SV2C: variants seen among roughly 807,000 people sequenced by gnomAD.
SV2C encodes the protein synaptic vesicle glycoprotein 2C, also known as solute carrier family 22 member B3.
SV2C carries 49 observed loss-of-function variants against 79.7 expected under a neutral mutation model. The observed-to-expected ratio is 0.61, with a 90% confidence interval of 0.49 to 0.78. The LOEUF (loss-of-function observed/expected upper bound fraction) is 0.78. Among genes scored for constraint, SV2C ranks in the 30% least tolerant of loss-of-function variants. SV2C has a pLI of 0.00. For missense variants in SV2C, 833 were observed against 912.9 expected (o/e 0.91, Z 1.13); for synonymous variants, 334 against 333.2 (o/e 1.00, Z -0.03).
the SV2C span, among the ~76,000 whole-genome samples, chr5:76,032,639 T>G: frequency 6.6e-6 from 1 of 152,194 alleles, no homozygotes; most frequent in African/African-American, 2.4e-5. Flanking sequence ...TCTTAATCCA[T>G]TCTATCATTG....
At chr5:76,137,006 A>G (rs932770616) in intron 2 of SV2C, among the ~76,000 whole-genome samples, 3 of 152,200 alleles carry the variant, frequency 2.0e-5, no homozygotes, top group Non-Finnish European at 4.4e-5. Flanking sequence ...AGAGAGAATG[A>G]GATGGGAGAG....
At chr5:76,259,905 A>G (rs1446656157) in intron 4 of SV2C, among the ~76,000 whole-genome samples, 1 of 152,218 alleles carries the variant, frequency 6.6e-6, no homozygotes. Flanking sequence ...TGCAATAAAC[A>G]TATGTGTGCA....
chr5:76,218,924 G>C (rs866717146), intron 4 of SV2C, among the ~76,000 whole-genome samples: 3 of 12,510 alleles, frequency 2.4e-4, no homozygotes, highest in African/African-American at 3.5e-4. Flanking sequence ...ATATTTAAAA[G>C]ATTGTATTTA....
At chr5:76,152,998 A>G (rs976671301) in intron 2 of SV2C, among the ~76,000 whole-genome samples, 8 of 152,200 alleles carry the variant, frequency 5.3e-5, no homozygotes. Context: ...TATAGCTGCT[A>G]TATGGGAGTG....
At chr5:75,947,289 C>T in the SV2C span, among the ~76,000 whole-genome samples, 1 of 151,978 alleles carries the variant, frequency 6.6e-6, no homozygotes, top group African/African-American at 2.4e-5. Flanking sequence ...AGAGAAGCCT[C>T]CAAATTATGT....
intron 1 of SV2C, among the ~76,000 whole-genome samples, chr5:76,125,246 A>C (rs73130276): frequency 0.043 from 6,487 of 152,286 alleles, 468 homozygotes; most frequent in African/African-American, 0.15. Flanking sequence ...TTTAAAAATC[A>C]TAAGCAATTA....
chr5:76,075,267 T>C, the SV2C span, among the ~76,000 whole-genome samples: 1 of 152,216 alleles, frequency 6.6e-6, no homozygotes, highest in Non-Finnish European at 1.5e-5. Flanking sequence ...CATTTATATT[T>C]TCGGGAGTAA....
intron 6 of SV2C, among the ~76,000 whole-genome samples, chr5:76,290,049 G>A (rs1379347895): frequency 6.6e-6 from 1 of 151,944 alleles, no homozygotes; most frequent in Non-Finnish European, 1.5e-5. Context: ...CCCAAAAGTA[G>A]TATGTTGGAT....
At chr5:76,099,750 G>C (rs1047765317) in intron 1 of SV2C, among the ~76,000 whole-genome samples, 1 of 152,150 alleles carries the variant, frequency 6.6e-6, no homozygotes. Context: ...TCTATTAACA[G>C]TAAGAAGGAT....
intron 4 of SV2C, among the ~76,000 whole-genome samples, chr5:76,230,533 G>A (rs1224401283): frequency 1.2e-4 from 18 of 152,182 alleles, no homozygotes; most frequent in African/African-American, 3.9e-4. Context: ...GCTGGGCGTG[G>A]TGATCCAAGC....
At chr5:76,342,280 A>C in intron 12 of SV2C, among the ~76,000 whole-genome samples, 1 of 152,204 alleles carries the variant, frequency 6.6e-6, no homozygotes, top group Non-Finnish European at 1.5e-5. Context: ...TCATCTTGTC[A>C]GATCAGAGAA....
the SV2C span, among the ~76,000 whole-genome samples, chr5:75,882,507 A>C: frequency 1.3e-5 from 2 of 152,116 alleles, no homozygotes; most frequent in Non-Finnish European, 2.9e-5. Flanking sequence ...CTATACTACA[A>C]GGCTACAGTA....
At chr5:76,053,349 T>G in the SV2C span, among the ~76,000 whole-genome samples, 1 of 149,518 alleles carries the variant, frequency 6.7e-6, no homozygotes, top group Non-Finnish European at 1.5e-5. Context: ...GGGAAATATA[T>G]TTTTAGTCCA....
At chr5:75,874,255 CA>C in the SV2C span, among the ~76,000 whole-genome samples, 3 of 151,960 alleles carry the variant, frequency 2.0e-5, no homozygotes, top group Non-Finnish European at 4.4e-5. Context: ...TCAACATATG[CA>C]AATCAACAAA....
chr5:76,224,670 A>T (rs1193103357), intron 4 of SV2C, among the ~76,000 whole-genome samples: 1 of 152,162 alleles, frequency 6.6e-6, no homozygotes, highest in African/African-American at 2.4e-5. Flanking sequence ...CTTCCCTCAT[A>T]TCTTAGGGTA....
At chr5:75,979,126 T>TA in the SV2C span, among the ~76,000 whole-genome samples, 7 of 152,006 alleles carry the variant, frequency 4.6e-5, no homozygotes, top group East Asian at 3.9e-4. Context: ...TCAACAAAGA[T>TA]AAAAAAAGAA....
At chr5:76,295,667 G>C (rs1021445748) in intron 8 of SV2C, 111 bp from the exon 9 acceptor site, 35 of 1,029,454 alleles carry the variant, frequency 3.4e-5, no homozygotes, top group Non-Finnish European at 4.8e-5. Flanking sequence ...TAATGTTATA[G>C]GGAGCCAGCC....
chr5:75,978,176 C>A, the SV2C span, among the ~76,000 whole-genome samples: 1 of 152,140 alleles, frequency 6.6e-6, no homozygotes, highest in Admixed American at 6.5e-5. Context: ...GTTCTTATTC[C>A]ATCTATCAAC....
chr5:76,237,540 G>A (rs543708335), intron 4 of SV2C, among the ~76,000 whole-genome samples: 41 of 152,066 alleles, frequency 2.7e-4, no homozygotes, highest in Non-Finnish European at 3.7e-4. Flanking sequence ...GGAACCCCTG[G>A]ACTTTCTGAC....
Sources: allele counts gnomAD v4.1 joint callset (sites outside exome capture counted in the v4.1 genomes callset), GRCh38; gene constraint gnomAD v4.1.1; transcripts MANE v1.5; gene names NCBI Gene and HGNC (gene_info 2026-07-23, HGNC 2026-07-21).